CACNA1B: variants seen among roughly 807,000 people sequenced by gnomAD.
CACNA1B encodes calcium voltage-gated channel subunit alpha1 B.
Under a neutral mutation model 247.2 loss-of-function variants are expected in CACNA1B, and 70 were observed. That is an observed-to-expected ratio of 0.28 (90% CI 0.23 to 0.35). CACNA1B has a LOEUF of 0.35. CACNA1B is among the 10% of genes least tolerant of loss of function. CACNA1B has a pLI of 1.00. For synonymous variants in CACNA1B, 1,231 were observed against 1,294.4 expected (o/e 0.95, Z 1.05); for missense variants, 2,367 against 3,197.4 (o/e 0.74, Z 6.26).
intron 2 of CACNA1B, among the ~76,000 whole-genome samples, 193 bp downstream of exon 2, chr9:137,879,352 C>A (rs1956885674): frequency 6.6e-6 from 1 of 152,250 alleles, no homozygotes; most frequent in Non-Finnish European, 1.5e-5. Context: ...ACCGGCTTAG[C>A]CCTGGGCGTG....
chr9:138,028,023 C>CTTTTTTTT (rs541594878), intron 20 of CACNA1B, among the ~76,000 whole-genome samples: 3 of 98,748 alleles, frequency 3.0e-5, no homozygotes, highest in African/African-American at 4.3e-5. Flanking sequence ...CCCCCCCAAC[C>CTTTTTTTT]TTTTTTTTTT....
At position 138,010,121 on chromosome 9, in the gene CACNA1B, G is replaced by C; in HGVS notation, c.2160+44G>C. The C allele has an allele frequency of 6.7e-7, 1 of 1,490,992 alleles. No homozygotes were observed. Among genetic ancestry groups the C allele is most frequent in the Non-Finnish European group, 9.4e-7 (1 of 1,068,030 alleles). The allele number at this position is 1,490,992 out of a possible 1,614,324, so 92.4% of individuals were successfully genotyped here. A position where few individuals can be genotyped will look rare whatever the true frequency, so the allele number is the denominator to read the frequency against. On this transcript the variant is annotated intron_variant, in intron 17 of 46. Coordinates refer to ENST00000371372, the MANE Select transcript of CACNA1B (RefSeq NM_000718.4). The surrounding 1 kb of genome is among the most constrained non-coding windows in gnomAD (Gnocchi z 5.3). ...GGACCGGTGTCAGCCCATGTCACTT[G>C]AATGTGGCCGCAGCCAGGAAGAGTC...
intron 36 of CACNA1B, among the ~76,000 whole-genome samples, chr9:138,089,508 A>C (rs148381375): frequency 3.7e-4 from 56 of 152,338 alleles, no homozygotes; most frequent in African/African-American, 1.3e-3. Flanking sequence ...TTAGGTTGGA[A>C]GATACCTCAA....
rs767537407 is a variant in CACNA1B, at chr9:138,043,728, T to C, written c.3287-46T>C. 5.6e-6 allele frequency: 9 copies of C among 1,610,490 alleles called. No homozygotes were observed. In the South Asian group the frequency reaches 9.9e-5, roughly 18 times the overall value. ...TGGGAGGGAGCCACGCAACGTGGGC[T>C]TCATGTGCACTACACCCCTTACTCG... On this transcript the variant is annotated intron_variant, in intron 20 of 46. Transcript: ENST00000371372.
At position 137,973,335 on chromosome 9, in the gene CACNA1B, A is replaced by T. The variant is rs1958179070; in HGVS notation, c.1543+1743A>T. Among the ~76,000 whole-genome samples the T allele has an allele frequency of 6.6e-6, 1 of 152,164 alleles. No individual in the cohort carries two copies. Among genetic ancestry groups the T allele is most frequent in the African/African-American group, 2.4e-5 (1 of 41,448 alleles). On this transcript the variant is annotated intron_variant, in intron 11 of 46. Coordinates refer to ENST00000371372, the MANE Select transcript of CACNA1B (RefSeq NM_000718.4). This position sits in a 1 kb window ranked among gnomAD's most constrained non-coding sequence, Gnocchi z 4.1. ...TGGGCCTGAGGGAGGCTTGCTCAGT[A>T]GGTAGGACAGGCTTGCCAGAGGCGA... is the stretch of plus-strand genomic sequence containing the variant.
Position 138,123,210 on chromosome 9 carries a change from C to CA in CACNA1B, c.*1212dup, listed in dbSNP as rs1262689176. ...GGGCTTGGATGTGGGGCCGTCAGGG[C>CA]AGGAGGGAGGAAGCCCCAGCTGGAA... On this transcript the variant is annotated 3_prime_UTR_variant, in exon 47 of 47. Coordinates refer to ENST00000371372, the MANE Select transcript of CACNA1B (RefSeq NM_000718.4). 1.3e-5 allele frequency: 2 copies of CA among 152,266 alleles called. No homozygotes were observed. The highest frequency in any genetic ancestry group is 2.9e-5 in the Non-Finnish European group (2 of 68,080). The allele number at this position is 152,266 out of a possible 1,614,324, so 9.4% of individuals were successfully genotyped here. A position where few individuals can be genotyped will look rare whatever the true frequency, so the allele number is the denominator to read the frequency against.
Position 138,075,850 on chromosome 9 carries a change from C to G in CACNA1B, c.4889C>G (p.Thr1630Ser), listed in dbSNP as rs1476842911. The G allele has an allele frequency of 6.2e-7, 1 of 1,608,492 alleles. No homozygotes were observed. Among genetic ancestry groups the G allele is most frequent in the Non-Finnish European group, 8.5e-7 (1 of 1,175,814 alleles). ...VFGNIALDDD[T>S]SINRHNNFRT... ...GGGAATATTGCCCTGGATGATGACA[C>G]CAGCATCAACCGCCACAACAACTTC... Residue 1630 changes from threonine (T) to serine (S), a missense_variant, in exon 35 of 47, where the codon ACC (threonine) becomes AGC (serine). Transcript: ENST00000371372.
rs79388649 is a variant in CACNA1B, at chr9:137,953,909, G to A, written c.1070+1532G>A. Among the ~76,000 whole-genome samples the A allele has an allele frequency of 9.6e-3, 1,455 of 152,202 alleles. 12 individuals are homozygous for A. Among genetic ancestry groups the A allele is most frequent in the Non-Finnish European group, 0.016 (1,069 of 67,982 alleles). On this transcript the variant is annotated intron_variant, in intron 7 of 46. Coordinates refer to ENST00000371372, the MANE Select transcript of CACNA1B (RefSeq NM_000718.4). ...GCCTGGTGCCAAAGGTGCTGAGAAC[G>A]CTGCCTGGTGGGAAGCCTGGCAGGA...
In CACNA1B at chr9:138,051,391, T is replaced by G. The variant is rs141204402; in HGVS notation, c.3711-701T>G. Among the ~76,000 whole-genome samples the G allele has an allele frequency of 7.2e-5, 11 of 151,878 alleles. No homozygotes were observed. The highest frequency in any genetic ancestry group is 1.5e-4 in the Non-Finnish European group (10 of 67,966). On this transcript the variant is annotated intron_variant, in intron 24 of 46. Transcript: ENST00000371372. The surrounding 1 kb of genome is among the most constrained non-coding windows in gnomAD (Gnocchi z 4.3). ...CGACTTCCTGCCTTGCCGTCCCTGC[T>G]CTGCATGAGTTTTCCTGTCTGCTGC...
At chr9:137,931,021 C>A (rs1326972740) in intron 6 of CACNA1B, among the ~76,000 whole-genome samples, 1 of 152,102 alleles carries the variant, frequency 6.6e-6, no homozygotes, top group African/African-American at 2.4e-5. Flanking sequence ...TGTGCAATCT[C>A]AGCTCATTGC....
chr9:137,886,838 TAAAGC>T (rs1957021758), intron 3 of CACNA1B, among the ~76,000 whole-genome samples: 1 of 151,864 alleles, frequency 6.6e-6, no homozygotes, highest in African/African-American at 2.4e-5. Context: ...TGAAATGAGA[TAAAGC>T]ATGCAGGGTG....
At position 137,880,765 on chromosome 9, in the gene CACNA1B, G is replaced by A. The variant is rs980852740; in HGVS notation, c.390+1606G>A. 6.6e-6 allele frequency among the ~76,000 whole-genome samples: 1 copy of A among 152,192 alleles called. No individual in the cohort carries two copies. Among genetic ancestry groups the A allele is most frequent in the Non-Finnish European group, 1.5e-5 (1 of 68,022 alleles). On this transcript the variant is annotated intron_variant, in intron 2 of 46. Transcript: ENST00000371372. This position sits in a 1 kb window ranked among gnomAD's most constrained non-coding sequence, Gnocchi z 4.8. ...CAGGCCCAGCCATTGATGTCCCCTG[G>A]GATGGAGGGGAGGCTGTGCTGCTGC... is the stretch of plus-strand genomic sequence containing the variant.
chr9:137,956,662 A>G, intron 8 of CACNA1B, 109 bp from the exon 9 acceptor site: 2 of 867,512 alleles, frequency 2.3e-6, no homozygotes, highest in Non-Finnish European at 1.7e-6. Flanking sequence ...TCAAAAAAAA[A>G]AAAAAAAAGA....
At chr9:137,896,628 C>CAA (rs1411092395) in intron 3 of CACNA1B, among the ~76,000 whole-genome samples, 6 of 152,162 alleles carry the variant, frequency 3.9e-5, no homozygotes, top group African/African-American at 1.4e-4. Flanking sequence ...CAGTGTGATA[C>CAA]AAGCTTCATA....
At position 138,078,265 on chromosome 9, in the gene CACNA1B, C is replaced by T. The variant is rs201616771; in HGVS notation, c.5094+7C>T. ...CTTCCTGTGCTCCTTTCTGGTGAGT[C>T]CTGGGCACTGTGCCCCTCCCAGTGC... On this transcript the variant is annotated splice_region_variant and intron_variant, in intron 36 of 46. Transcript: ENST00000371372. 6 of 1,613,750 alleles carry T rather than the reference C, an allele frequency of 3.7e-6. No individual in the cohort carries two copies. The highest frequency in any genetic ancestry group is 5.1e-6 in the Non-Finnish European group (6 of 1,179,714).
chr9:138,086,698 GCA>G (rs1564279797), intron 36 of CACNA1B, among the ~76,000 whole-genome samples: 1 of 151,284 alleles, frequency 6.6e-6, no homozygotes, highest in African/African-American at 2.4e-5. Flanking sequence ...ATAGATTCCA[GCA>G]CAGTGTCATT....
rs912700294 is a variant in CACNA1B at position 137,881,574 on chromosome 9, C to G, written c.391-1170C>G. On this transcript the variant is annotated intron_variant, in intron 2 of 46. Coordinates refer to ENST00000371372, the MANE Select transcript of CACNA1B (RefSeq NM_000718.4). This position sits in a 1 kb window ranked among gnomAD's most constrained non-coding sequence, Gnocchi z 4.3. ...CTCTCCCCACCCCTTCACCTGCTTCCTAAGGCAGCAGCCCTGGAGTGCAGG... is the reference window on the plus strand; with the variant it reads ...CTCTCCCCACCCCTTCACCTGCTTCGTAAGGCAGCAGCCCTGGAGTGCAGG... 6.6e-5 allele frequency among the ~76,000 whole-genome samples: 10 copies of G among 152,196 alleles called. No homozygotes were observed. Among genetic ancestry groups the G allele is most frequent in the African/African-American group, 2.4e-4 (10 of 41,464 alleles).
At position 138,011,434 on chromosome 9, in the gene CACNA1B, G is replaced by C. The variant is rs1958723137; in HGVS notation, c.2160+1357G>C. ...TGAGGATCGGGGCCACTGGGGGCCTGTCTGTGTCTGGCTGTGGGCATTTTT... is the reference window on the plus strand; with the variant it reads ...TGAGGATCGGGGCCACTGGGGGCCTCTCTGTGTCTGGCTGTGGGCATTTTT... On this transcript the variant is annotated intron_variant, in intron 17 of 46. Transcript: ENST00000371372. This position sits in a 1 kb window ranked among gnomAD's most constrained non-coding sequence, Gnocchi z 4.2. Among the ~76,000 whole-genome samples the C allele has an allele frequency of 6.6e-6, 1 of 152,196 alleles. No homozygotes were observed. Among genetic ancestry groups the C allele is most frequent in the Non-Finnish European group, 1.5e-5 (1 of 68,032 alleles).
intron 20 of CACNA1B, among the ~76,000 whole-genome samples, chr9:138,034,986 C>T (rs1478969591): frequency 4.6e-5 from 7 of 152,228 alleles, no homozygotes; most frequent in African/African-American, 1.7e-4. Flanking sequence ...GTGACTAATG[C>T]AGTCCAGGTG....
Sources: gnomAD v4.1 joint callset for allele counts (sites outside exome capture counted in the v4.1 genomes callset) on GRCh38, gnomAD v4.1.1 for gene constraint, Gnocchi (gnomAD v3.1) non-coding constraint, MANE v1.5 for transcripts, NCBI Gene and HGNC (gene_info 2026-07-23, HGNC 2026-07-21) for gene names.